ABCB1: variants seen among roughly 807,000 people sequenced by gnomAD.
ABCB1 encodes ATP-dependent translocase ABCB1.
Under a neutral mutation model 142.0 loss-of-function variants are expected in ABCB1, and 69 were observed. The ratio of observed to expected loss-of-function variants is 0.49; its 90% CI spans 0.40 to 0.59. The LOEUF (loss-of-function observed/expected upper bound fraction) is 0.59, where lower values mean the gene tolerates loss of function less well. Among genes scored for constraint, ABCB1 ranks in the 20% least tolerant of loss-of-function variants. The pLI is 0.00. For synonymous variants in ABCB1, 532 were observed against 539.2 expected (o/e 0.99, Z 0.18); for missense variants, 1,326 against 1,554.7 (o/e 0.85, Z 2.47).
At chr7:87,555,825 T>C (rs1817283989) in intron 8 of ABCB1, among the ~76,000 whole-genome samples, 1 of 152,170 alleles carries the variant, frequency 6.6e-6, no homozygotes, top group African/African-American at 2.4e-5. Context: ...TAAGAATATA[T>C]TTAAGGACAT....
intron 1 of ABCB1, among the ~76,000 whole-genome samples, chr7:87,615,236 C>G (rs184501971): frequency 6.6e-6 from 1 of 152,302 alleles, no homozygotes; most frequent in African/African-American, 2.4e-5. Flanking sequence ...CTATAATCCC[C>G]AAAAGCCTCT....
At chr7:87,698,809 A>G (rs1563142809) in intron 1 of ABCB1, among the ~76,000 whole-genome samples, 1 of 152,242 alleles carries the variant, frequency 6.6e-6, no homozygotes, top group African/African-American at 2.4e-5. Flanking sequence ...AAGTAAGCAC[A>G]GGGTCCTGTG....
chr7:87,660,703 T>C (rs1264224022), intron 1 of ABCB1, among the ~76,000 whole-genome samples: 2 of 151,972 alleles, frequency 1.3e-5, no homozygotes, highest in African/African-American at 4.8e-5. Flanking sequence ...CTTAGCAGAT[T>C]AATTTTCAAA....
intron 17 of ABCB1, among the ~76,000 whole-genome samples, chr7:87,542,194 A>T (rs1314832917): frequency 1.3e-5 from 2 of 152,158 alleles, no homozygotes; most frequent in African/African-American, 4.8e-5. Flanking sequence ...ACAAACAAAT[A>T]ACAACAACAA....
chr7:87,693,887 G>A, intron 1 of ABCB1: 1 of 1,601,460 alleles, frequency 6.2e-7, no homozygotes, highest in Non-Finnish European at 8.5e-7. Flanking sequence ...GTGTGTTGTT[G>A]TTGTTATTTT....
intron 1 of ABCB1, among the ~76,000 whole-genome samples, chr7:87,640,573 G>A (rs186866487): frequency 5.9e-5 from 9 of 152,134 alleles, no homozygotes; most frequent in African/African-American, 1.7e-4. Flanking sequence ...TCAAACTGCT[G>A]GCCTCAGGCA....
At chr7:87,530,087 T>G (rs1815966561) in intron 21 of ABCB1, among the ~76,000 whole-genome samples, 1 of 152,190 alleles carries the variant, frequency 6.6e-6, no homozygotes, top group Non-Finnish European at 1.5e-5. Context: ...GACAAAGCAT[T>G]AGTGGCAATG....
At chr7:87,632,546 CA>C (rs1239264033) in intron 1 of ABCB1, among the ~76,000 whole-genome samples, 1 of 152,106 alleles carries the variant, frequency 6.6e-6, no homozygotes, top group African/African-American at 2.4e-5. Context: ...CACTCAACTT[CA>C]AAATATTCAT....
At position 87,509,402 on chromosome 7, in the gene ABCB1, A is replaced by T. The variant is rs202215242; in HGVS notation, c.3362T>A (p.Ile1121Asn). 1 of 1,614,170 alleles carries T rather than the reference A, an allele frequency of 6.2e-7. No individual in the cohort carries two copies. The highest frequency in any genetic ancestry group is 8.5e-7 in the Non-Finnish European group (1 of 1,180,024). ...CTCAGCAATGCTGCAGTCAAACAGG[A>T]TGGGCTCCTGGGACACGATGCCCAG... is the stretch of plus-strand genomic sequence containing the variant. ...AHLGIVSQEP[I>N]LFDCSIAENI... Residue 1121 changes from isoleucine (I) to asparagine (N), a missense_variant, in exon 26 of 28, where the codon ATC becomes AAC. By Grantham distance (149) the Ile-to-Asn change is moderately radical. Coordinates refer to ENST00000622132, the MANE Select transcript of ABCB1 (RefSeq NM_001348946.2).
At chr7:87,516,161 G>A (rs1014446972) in intron 24 of ABCB1, among the ~76,000 whole-genome samples, 1 of 152,030 alleles carries the variant, frequency 6.6e-6, no homozygotes, top group Non-Finnish European at 1.5e-5. Flanking sequence ...CAGGAGGATC[G>A]CTTGAGCCCA....
chr7:87,636,342 T>C (rs1821771149), intron 1 of ABCB1, among the ~76,000 whole-genome samples: 4 of 152,238 alleles, frequency 2.6e-5, no homozygotes, highest in African/African-American at 9.6e-5. Context: ...CAAGCACCTT[T>C]CCGTAAGTCT....
intron 17 of ABCB1, among the ~76,000 whole-genome samples, chr7:87,542,627 C>T (rs1816590217): frequency 6.6e-6 from 1 of 150,710 alleles, no homozygotes; most frequent in African/African-American, 2.4e-5. Flanking sequence ...GGTTTTGTTA[C>T]AACCAAACCC....
chr7:87,544,992 C>T lies in ABCB1; in HGVS notation c.1895G>A (p.Gly632Glu). ...TGCATTTTCTAATTCAACTTCATTT[C>T]CTGCTGTCTAAAATAAATAAGAAAT... ...YFKLVTMQTAGNEVELENAAD... is the reference protein window; with the variant it reads ...YFKLVTMQTAENEVELENAAD... Residue 632 changes from glycine (G) to glutamate (E), a missense_variant, in exon 16 of 28, where the codon GGA (glycine) becomes GAA (glutamate). Transcript: ENST00000622132. The T allele has an allele frequency of 1.2e-6, 2 of 1,613,784 alleles. No homozygotes were observed. The highest frequency in any genetic ancestry group is 2.7e-5 in the African/African-American group (2 of 75,052).
At chr7:87,593,527 A>G (rs915814663) in intron 3 of ABCB1, among the ~76,000 whole-genome samples, 56 of 152,344 alleles carry the variant, frequency 3.7e-4, no homozygotes, top group African/African-American at 1.3e-3. Flanking sequence ...GCCTGTATAC[A>G]AAGGTTGGCC....
At chr7:87,675,162 T>A (rs1426959898) in intron 1 of ABCB1, among the ~76,000 whole-genome samples, 1 of 152,200 alleles carries the variant, frequency 6.6e-6, no homozygotes, top group Non-Finnish European at 1.5e-5. Flanking sequence ...GTCCCTGTGC[T>A]TAGCCTCCCC....
Position 87,515,267 on chromosome 7 carries a change from G to C in ABCB1, c.3246C>G (p.Leu1082=). The change falls in exon 25 of 28, where the codon CTC becomes CTG. Residue 1082 remains leucine, a synonymous_variant. Transcript: ENST00000622132. ...SGCGKSTVVQ[L]LERFYDPLAG... Reference sequence around the variant, plus strand: ...CCAAGGGGTCGTAGAACCGCTCCAGGAGCTGGACCACTGTGCTCTTCCCAC... The same window carrying C: ...CCAAGGGGTCGTAGAACCGCTCCAGCAGCTGGACCACTGTGCTCTTCCCAC... The C allele has an allele frequency of 6.2e-7, 1 of 1,614,074 alleles. No individual in the cohort carries two copies. Among genetic ancestry groups the C allele is most frequent in the Non-Finnish European group, 8.5e-7 (1 of 1,180,020 alleles).
chr7:87,650,956 T>A, intron 1 of ABCB1: 1 of 1,388,464 alleles, frequency 7.2e-7, no homozygotes, highest in Non-Finnish European at 1.0e-6. Context: ...ACTAATGTAC[T>A]ATTTATTTTC....
In ABCB1 at chr7:87,591,466, C is replaced by T. The variant is rs73705266; in HGVS notation, c.117+4300G>A. On this transcript the variant is annotated intron_variant, in intron 3 of 27. Coordinates refer to ENST00000622132, the MANE Select transcript of ABCB1 (RefSeq NM_001348946.2). ...CAGGTTGTGGTCAAAGACTGATACA[C>T]GTGTGTGTGTGTTTATACCTTCATA... 8.3e-3 allele frequency among the ~76,000 whole-genome samples: 1,267 copies of T among 152,172 alleles called. 17 individuals carry two copies. The highest frequency in any genetic ancestry group is 0.029 in the African/African-American group (1,187 of 41,506).
At chr7:87,597,930 A>G (rs183335928) in intron 2 of ABCB1, among the ~76,000 whole-genome samples, 200 of 152,248 alleles carry the variant, frequency 1.3e-3, no homozygotes, top group Middle Eastern at 3.4e-3. Context: ...TGGTAGTTAT[A>G]TCTCTTTAGT....
Sources: gnomAD v4.1 joint callset for allele counts (sites outside exome capture counted in the v4.1 genomes callset) on GRCh38, gnomAD v4.1.1 for gene constraint, MANE v1.5 for transcripts, NCBI Gene and HGNC (gene_info 2026-07-23, HGNC 2026-07-21) for gene names.